ZAN: variants seen among roughly 807,000 people sequenced by gnomAD.
ZAN encodes the protein zonadhesin, also known as zonadhesin (gene/pseudogene).
In ZAN, 260 loss-of-function variants were observed where a neutral mutation model predicts 286.2. The observed-to-expected ratio is 0.91, with a 90% CI of 0.82 to 1.01. The LOEUF is 1.01. Among genes scored for constraint, ZAN ranks in the 50% least tolerant of loss-of-function variants. The pLI, the probability that ZAN is intolerant of heterozygous loss-of-function variation, is 0.00. For synonymous variants in ZAN, 1,368 were observed against 1,417.5 expected (o/e 0.97, Z 0.79); for missense variants, 3,410 against 3,639.2 (o/e 0.94, Z 1.62).
intron 41 of ZAN, 21 bp from the exon 42 acceptor site, chr7:100,792,383 TC>T (rs1319729996): frequency 1.9e-6 from 3 of 1,590,434 alleles, no homozygotes; most frequent in East Asian, 4.5e-5. Flanking sequence ...ACTGTGCCCT[TC>T]CTGCCCCCTC....
At chr7:100,768,114 C>G (rs1284109370) in intron 26 of ZAN, 103 bp downstream of exon 26, 2 of 1,358,998 alleles carry the variant, frequency 1.5e-6, no homozygotes, top group East Asian at 2.5e-5. Context: ...AAGTACTTGT[C>G]AACTGACTAA....
intron 44 of ZAN, 37 bp from the exon 45 acceptor site, chr7:100,795,159 C>A: frequency 6.3e-7 from 1 of 1,589,116 alleles, no homozygotes; most frequent in Non-Finnish European, 8.6e-7. Context: ...AGTGTCCTCC[C>A]AGGGCCCCCC....
At chr7:100,797,175 T>C (rs529871590) in intron 45 of ZAN, among the ~76,000 whole-genome samples, 191 bp from the exon 46 acceptor site, 3 of 151,346 alleles carry the variant, frequency 2.0e-5, no homozygotes, top group Non-Finnish European at 4.4e-5. Flanking sequence ...ATTGCGGGGG[T>C]TGGGGAGGGG....
At chr7:100,787,374 C>A (rs1357179841) in intron 37 of ZAN, among the ~76,000 whole-genome samples, 1 of 151,936 alleles carries the variant, frequency 6.6e-6, no homozygotes, top group Non-Finnish European at 1.5e-5. Context: ...TATGATCGTA[C>A]CACTTGTACT....
rs1434424498 is a variant in ZAN, at chr7:100,738,533, C to T, written c.686C>T (p.Ser229Phe). 5.3e-6 allele frequency: 8 copies of T among 1,506,648 alleles called. 2 individuals carry two copies. The Admixed American group carries it at 1.5e-4, about 27-fold the overall frequency. 93.3% of individuals were successfully genotyped at this position (1,506,648 alleles called of 1,614,324 possible). Reference protein sequence around the residue: ...LCDWTWIPTASGAKWTQKKGS... With the variant: ...LCDWTWIPTAFGAKWTQKKGS... ...GACTGGACCTGGATCCCAACTGCCTCCGGGGCCAAGTGGACTCAGAAGAAA... is the reference window on the plus strand; with the variant it reads ...GACTGGACCTGGATCCCAACTGCCTTCGGGGCCAAGTGGACTCAGAAGAAA... Residue 229 changes from serine to phenylalanine, a missense_variant, in exon 7 of 48, where the codon TCC (serine) becomes TTC (phenylalanine). Physicochemically the swap from Ser to Phe is radical, Grantham distance 155. Coordinates refer to ENST00000613979, the MANE Select transcript of ZAN (RefSeq NM_003386.3).
At chr7:100,746,999 G>A (rs1238694815) in intron 8 of ZAN, among the ~76,000 whole-genome samples, 2 of 152,060 alleles carry the variant, frequency 1.3e-5, no homozygotes, top group African/African-American at 2.4e-5. Flanking sequence ...CAGGAGAATC[G>A]CTTGAACCCG....
chr7:100,762,504 C>A (rs549397129), intron 20 of ZAN, 146 bp downstream of exon 20: 11 of 1,101,706 alleles, frequency 1.0e-5, no homozygotes, highest in African/African-American at 8.3e-5. Context: ...CAGCTCACTG[C>A]AACCTCCGCC....
intron 33 of ZAN, 69 bp downstream of exon 33, chr7:100,775,902 G>A (rs1164639744): frequency 4.4e-6 from 7 of 1,577,540 alleles, no homozygotes; most frequent in Non-Finnish European, 6.0e-6. Context: ...GGCAGGGATG[G>A]GGGGCAGTGT....
Position 100,763,730 on chromosome 7 carries a change from C to A in ZAN, c.3987-76C>A, listed in dbSNP as rs1051120030. 4.8e-5 allele frequency: 71 copies of A among 1,482,190 alleles called. 1 individual carries two copies. The Admixed American group carries it at 1.0e-3, about 22-fold the overall frequency. The allele number at this position is 1,482,190 out of a possible 1,614,324, so 91.8% of individuals were successfully genotyped here. A position where few individuals can be genotyped will look rare whatever the true frequency, so the allele number is the denominator to read the frequency against. On this transcript the variant is annotated intron_variant, in intron 20 of 47. Transcript: ENST00000613979. This position sits in a 1 kb window ranked among gnomAD's most constrained non-coding sequence, Gnocchi z 4.6. ...TGGTTTGCCGGTCCCGGCCTGCCAGCCTTGCTGCCTGCTGGGTTAGGGATG... is the reference window on the plus strand; with the variant it reads ...TGGTTTGCCGGTCCCGGCCTGCCAGACTTGCTGCCTGCTGGGTTAGGGATG...
At position 100,775,821 on chromosome 7, in the gene ZAN, C is replaced by G. The variant is rs973192406; in HGVS notation, c.6180C>G (p.Thr2060=). 2 of 1,613,702 alleles carry G rather than the reference C, an allele frequency of 1.2e-6. No homozygotes were observed. The highest frequency in any genetic ancestry group is 1.7e-6 in the Non-Finnish European group (2 of 1,179,838). ...TCTTAGAGATTGAAATCCCCACAACCTACTATGGAAAGGTGAGGAAAACAT... is the reference window on the plus strand; with the variant it reads ...TCTTAGAGATTGAAATCCCCACAACGTACTATGGAAAGGTGAGGAAAACAT... ...NHLLEIEIPT[T]YYGKVCGMCG... is the part of the protein sequence containing the mutation. The change falls in exon 33 of 48, where the codon ACC becomes ACG. Residue 2060 remains threonine (T), a synonymous_variant. Coordinates refer to ENST00000613979, the MANE Select transcript of ZAN (RefSeq NM_003386.3).
intron 7 of ZAN, among the ~76,000 whole-genome samples, chr7:100,740,445 C>A (rs1218028422): frequency 1.3e-5 from 1 of 74,368 alleles, no homozygotes. Flanking sequence ...GAGGACCCTG[C>A]GGCCTTCCGC....
At chr7:100,750,962 C>T (rs1253267564) in intron 12 of ZAN, 66 bp downstream of exon 12, 29 of 1,507,950 alleles carry the variant, frequency 1.9e-5, no homozygotes, top group Admixed American at 4.5e-5. Context: ...GATCTGGGGG[C>T]GCCACCAGTG....
intron 18 of ZAN, among the ~76,000 whole-genome samples, chr7:100,760,086 T>A (rs1447703246): frequency 6.6e-6 from 1 of 152,126 alleles, no homozygotes; most frequent in Admixed American, 6.6e-5. Flanking sequence ...TGGTGGCACT[T>A]GCCTGTTGTC....
chr7:100,749,509 G>GGCA (rs1373238702), intron 11 of ZAN, among the ~76,000 whole-genome samples: 1 of 151,224 alleles, frequency 6.6e-6, no homozygotes, highest in Non-Finnish European at 1.5e-5. Context: ...GCATGGTGGT[G>GGCA]GGCGCCTGTA....
chr7:100,781,431 C>T, intron 35 of ZAN, among the ~76,000 whole-genome samples: 1 of 152,012 alleles, frequency 6.6e-6, no homozygotes, highest in East Asian at 1.9e-4. Context: ...GCAGGGGGTG[C>T]TGCAGAGCTT....
rs540330 is a variant in ZAN, at chr7:100,775,649, G to A, written c.6028-20G>A. The A allele has an allele frequency of 5.8e-5, 94 of 1,612,716 alleles. No homozygotes were observed. Among genetic ancestry groups the A allele is most frequent in the South Asian group, 7.7e-5 (7 of 91,038 alleles). Reference sequence around the variant, plus strand: ...ACTCTTGTCCCTGCTCCTACTCACCGTCACTGTCCTCCTGTTTAGATCAAC... The same window carrying A: ...ACTCTTGTCCCTGCTCCTACTCACCATCACTGTCCTCCTGTTTAGATCAAC... On this transcript the variant is annotated intron_variant, in intron 32 of 47. Transcript: ENST00000613979.
rs1441736313 is a variant in ZAN, at chr7:100,739,443, G to A, written c.766+830G>A. Among the ~76,000 whole-genome samples, 2 of 137,918 alleles carry A rather than the reference G, an allele frequency of 1.5e-5. 1 individual carries two copies. The highest frequency in any genetic ancestry group is 5.3e-5 in the African/African-American group (2 of 37,954). 90.5% of individuals were successfully genotyped at this position (137,918 alleles called of 152,430 possible). On this transcript the variant is annotated intron_variant, in intron 7 of 47. Coordinates refer to ENST00000613979, the MANE Select transcript of ZAN (RefSeq NM_003386.3). ...GTGTGGTAGCGGGGGGGCAGTTACC[G>A]ACACAAAGTAAATATAGTTATAAAG...
At chr7:100,784,936 C>A (rs545720749) in intron 36 of ZAN, 102 bp downstream of exon 36, 31 of 1,336,144 alleles carry the variant, frequency 2.3e-5, no homozygotes, top group Non-Finnish European at 3.0e-5. Context: ...TGACTTACAG[C>A]TGGCCCGGGG....
Position 100,750,763 on chromosome 7 carries a change from C to T in ZAN, c.1388C>T (p.Thr463Ile), listed in dbSNP as rs1808602418. Residue 463 changes from threonine to isoleucine, a missense_variant, in exon 12 of 48, where the codon ACT (threonine) becomes ATT (isoleucine). Physicochemically the swap from Thr to Ile is moderately conservative, Grantham distance 89. Transcript: ENST00000613979. ...CACATGTATGGCCTTGGGGAGGGTA[C>T]TATGCTCGAACTCCTCCTGGGAAGT... ...AYHMYGLGEGTMLELLLGSPA... is the reference protein window; with the variant it reads ...AYHMYGLGEGIMLELLLGSPA... The T allele has an allele frequency of 1.2e-6, 2 of 1,613,068 alleles. No individual in the cohort carries two copies. The highest frequency in any genetic ancestry group is 1.3e-5 in the African/African-American group (1 of 74,918).
Sources: allele counts gnomAD v4.1 joint callset (sites outside exome capture counted in the v4.1 genomes callset), GRCh38; gene constraint gnomAD v4.1.1; non-coding constraint Gnocchi (gnomAD v3.1); transcripts MANE v1.5; gene names NCBI Gene and HGNC (gene_info 2026-07-23, HGNC 2026-07-21).